Variants in DMXL1 observed in about 807,000 individuals in gnomAD.
DMXL1 encodes the protein dmX-like protein 1.
A neutral mutation model predicts 319.2 loss-of-function variants in DMXL1; 99 were observed. The ratio of observed to expected loss-of-function variants is 0.31; its 90% CI spans 0.26 to 0.37. The LOEUF (loss-of-function observed/expected upper bound fraction) is 0.37. Among genes scored for constraint, DMXL1 ranks in the 10% least tolerant of loss-of-function variants. The probability of loss-of-function intolerance (pLI) is 1.00; values close to 1 mark genes in which losing one functional copy is unlikely to be tolerated. For missense variants in DMXL1, 3,745 were observed against 3,595.6 expected, an observed-to-expected ratio of 1.04 and a Z score of -1.06; for synonymous variants, 1,385 against 1,235.2, an observed-to-expected ratio of 1.12 and a Z score of -2.54.
chr5:119,202,865 A>G (rs993014362), intron 32 of DMXL1, among the ~76,000 whole-genome samples: 14 of 63,942 alleles, frequency 2.2e-4, no homozygotes, highest in African/African-American at 5.7e-4. Flanking sequence ...ATATACATAC[A>G]TATATATATA....
At chr5:119,167,375 CAT>C (rs1316695205) in intron 22 of DMXL1, among the ~76,000 whole-genome samples, 3 of 151,648 alleles carry the variant, frequency 2.0e-5, no homozygotes, top group South Asian at 2.1e-4. Flanking sequence ...AATTTTTGCA[CAT>C]ATATATATAT....
intron 17 of DMXL1, among the ~76,000 whole-genome samples, chr5:119,147,901 G>A (rs939815471): frequency 6.6e-6 from 1 of 152,144 alleles, no homozygotes; most frequent in African/African-American, 2.4e-5. Flanking sequence ...TCAGCGTCCT[G>A]GAAACTTGTT....
At chr5:119,125,961 T>G (rs1390501337) in intron 9 of DMXL1, among the ~76,000 whole-genome samples, 2 of 152,150 alleles carry the variant, frequency 1.3e-5, no homozygotes, top group African/African-American at 4.8e-5. Context: ...TTCATGTGTG[T>G]TTTTAAACAA....
At chr5:119,167,894 T>A in intron 23 of DMXL1, 30 bp downstream of exon 23, 3 of 1,594,650 alleles carry the variant, frequency 1.9e-6, no homozygotes, top group Non-Finnish European at 2.6e-6. Flanking sequence ...TGTTAATGAT[T>A]AAGAATATTA....
intron 25 of DMXL1, among the ~76,000 whole-genome samples, chr5:119,173,698 G>GTA (rs374795634): frequency 1.8e-4 from 10 of 55,848 alleles, no homozygotes; most frequent in Non-Finnish European, 1.9e-4. Flanking sequence ...GTGTGTGTGT[G>GTA]TATATATATA....
chr5:119,144,001 T>C, intron 14 of DMXL1, 71 bp downstream of exon 14: 4 of 965,072 alleles, frequency 4.1e-6, no homozygotes, highest in Non-Finnish European at 6.3e-6. Flanking sequence ...AAAATCTATA[T>C]ATTAATGTAA....
chr5:119,122,704 G>T (rs1445542434), intron 9 of DMXL1, among the ~76,000 whole-genome samples: 1 of 151,794 alleles, frequency 6.6e-6, no homozygotes, highest in Non-Finnish European at 1.5e-5. Flanking sequence ...CATCCCAGAC[G>T]GGGCGGCGGG....
intron 1 of DMXL1, chr5:119,081,752 A>G (rs1426256555): frequency 3.1e-6 from 3 of 983,174 alleles, no homozygotes; most frequent in Non-Finnish European, 2.4e-6. Flanking sequence ...GAGACTGTGC[A>G]TGGAGAATTT....
At position 119,149,979 on chromosome 5, in the gene DMXL1, A is replaced by G. The variant is rs764709813; in HGVS notation, c.4152A>G (p.Arg1384=). Residue 1384 remains arginine, a synonymous_variant, in exon 18 of 44, where the codon AGA becomes AGG. Coordinates refer to ENST00000539542, the MANE Select transcript of DMXL1 (RefSeq NM_001290321.3). ...LTISASGSTT[R]DPQAFNKAEN... ...TCAGTGCTAGTGGAAGCACTACCAG[A>G]GACCCCCAGGCATTCAACAAGGCTG... 2 of 1,613,936 alleles carry G rather than the reference A, an allele frequency of 1.2e-6. No homozygotes were observed. Among genetic ancestry groups the G allele is most frequent in the South Asian group, 1.1e-5 (1 of 91,076 alleles).
intron 10 of DMXL1, among the ~76,000 whole-genome samples, chr5:119,129,886 A>G (rs1764435685): frequency 6.6e-6 from 1 of 152,236 alleles, no homozygotes; most frequent in Non-Finnish European, 1.5e-5. Context: ...TTAGAGAGAA[A>G]GAAAGCATAG....
chr5:119,117,638 T>C (rs1761134370), intron 7 of DMXL1, among the ~76,000 whole-genome samples: 1 of 151,322 alleles, frequency 6.6e-6, no homozygotes, highest in African/African-American at 2.4e-5. Context: ...GGAAAGGCTG[T>C]GAAAGCAAAG....
chr5:119,161,001 T>G (rs936343882), intron 19 of DMXL1, among the ~76,000 whole-genome samples: 1 of 152,196 alleles, frequency 6.6e-6, no homozygotes, highest in South Asian at 2.1e-4. Context: ...ATTGGAAATT[T>G]ATTAGTTTGT....
chr5:119,147,609 A>G (rs959947373), intron 17 of DMXL1, 139 bp downstream of exon 17: 1 of 601,758 alleles, frequency 1.7e-6, no homozygotes, highest in Admixed American at 3.1e-5. Flanking sequence ...CCCTAAATTG[A>G]AGACTTATAG....
chr5:119,073,156 C>T (rs982335908), intron 1 of DMXL1, among the ~76,000 whole-genome samples: 3 of 152,152 alleles, frequency 2.0e-5, no homozygotes, highest in Admixed American at 6.5e-5. Context: ...TCGACCTCCC[C>T]GGCACAAGCC....
chr5:119,205,212 GAT>G (rs1026932009), intron 33 of DMXL1, among the ~76,000 whole-genome samples: 3 of 151,760 alleles, frequency 2.0e-5, no homozygotes, highest in Non-Finnish European at 2.9e-5. Flanking sequence ...TTCTACTGCC[GAT>G]ATATTTGGGT....
At chr5:119,223,283 C>T (rs1450170505) in intron 37 of DMXL1, among the ~76,000 whole-genome samples, 2 of 152,054 alleles carry the variant, frequency 1.3e-5, no homozygotes, top group African/African-American at 2.4e-5. Flanking sequence ...TCTTGAACTC[C>T]TGGCCTCAAG....
chr5:119,159,007 TCTTTC>T (rs1374409891), intron 19 of DMXL1, among the ~76,000 whole-genome samples: 1 of 152,224 alleles, frequency 6.6e-6, no homozygotes, highest in East Asian at 1.9e-4. Context: ...GAGGAACTTT[TCTTTC>T]CTTTCTGTTC....
At chr5:119,185,497 T>G (rs985793328) in intron 28 of DMXL1, among the ~76,000 whole-genome samples, 7 of 152,082 alleles carry the variant, frequency 4.6e-5, no homozygotes, top group Non-Finnish European at 7.4e-5. Flanking sequence ...TCCAGACTTT[T>G]TTTGTTTGTT....
At chr5:119,100,666 T>C (rs543466897) in intron 2 of DMXL1, 64 of 152,064 alleles carry the variant, frequency 4.2e-4, no homozygotes, top group African/African-American at 1.5e-3. Flanking sequence ...GCCTTTTTAG[T>C]CTCAGGTACA....
Sources: allele counts gnomAD v4.1 joint callset (sites outside exome capture counted in the v4.1 genomes callset), GRCh38; gene constraint gnomAD v4.1.1; transcripts MANE v1.5; gene names NCBI Gene and HGNC (gene_info 2026-07-23, HGNC 2026-07-21).